The following SLC5A11 variants were observed in gnomAD, a reference collection of about 807,000 sequenced individuals.
SLC5A11 encodes the protein solute carrier family 5 member 11, also known as sodium/myo-inositol cotransporter 2.
A neutral mutation model predicts 69.8 loss-of-function variants in SLC5A11; 48 were observed. The observed-to-expected ratio is 0.69, with a 90% CI of 0.55 to 0.87. SLC5A11 has a LOEUF of 0.87. Ranked by LOEUF, SLC5A11 falls within the 40% of genes least tolerant of loss-of-function variation. The pLI is 0.00. For synonymous variants in SLC5A11, 319 were observed against 342.4 expected (o/e 0.93, Z 0.75); for missense variants, 784 against 866.1 (o/e 0.91, Z 1.19).
At chr16:24,862,403 G>A (rs1425219786) in intron 2 of SLC5A11, among the ~76,000 whole-genome samples, 198 bp from the exon 4 acceptor site, 2 of 152,180 alleles carry the variant, frequency 1.3e-5, no homozygotes, top group African/African-American at 2.4e-5. Context: ...GAGCTTTGTT[G>A]ACCTGAAGAG....
intron 10 of SLC5A11, among the ~76,000 whole-genome samples, chr16:24,898,876 A>G (rs274092): frequency 0.21 from 31,590 of 151,186 alleles, 4,007 homozygotes; most frequent in South Asian, 0.42. Flanking sequence ...GAGTACAGTG[A>G]CATGATCATA....
At chr16:24,864,953 T>A (rs1022443008) in intron 3 of SLC5A11, among the ~76,000 whole-genome samples, 2 of 150,900 alleles carry the variant, frequency 1.3e-5, no homozygotes, top group South Asian at 2.1e-4. Flanking sequence ...GATTATGAAG[T>A]CTGAGGAACA....
chr16:24,877,351 T>C (rs146802677), exon 7 of SLC5A11: 2 of 1,613,458 alleles, frequency 1.2e-6, no homozygotes, highest in African/African-American at 2.7e-5. Flanking sequence ...CACTGCTGTA[T>C]ACACGGTTGC....
At chr16:24,853,602 G>A (rs576211980) in intron 1 of SLC5A11, among the ~76,000 whole-genome samples, 5 of 151,998 alleles carry the variant, frequency 3.3e-5, no homozygotes, top group East Asian at 3.9e-4. Flanking sequence ...AGAGAAGGGC[G>A]GGAGGAAAGA....
chr16:24,872,674 A>G (rs1341688657), intron 5 of SLC5A11, among the ~76,000 whole-genome samples: 2 of 148,580 alleles, frequency 1.3e-5, no homozygotes, highest in Non-Finnish European at 3.0e-5. Flanking sequence ...CACCACACCC[A>G]GCTAATTTTT....
At chr16:24,890,801 G>T in intron 8 of SLC5A11, 68 bp from the exon 10 acceptor site, 1 of 1,466,868 alleles carries the variant, frequency 6.8e-7, no homozygotes, top group South Asian at 1.1e-5. Flanking sequence ...CCAGTCTCCA[G>T]CCATCTCCTC....
intron 10 of SLC5A11, among the ~76,000 whole-genome samples, chr16:24,902,742 T>A (rs2049736330): frequency 6.6e-6 from 1 of 152,126 alleles, no homozygotes; most frequent in South Asian, 2.1e-4. Context: ...TTTCTCCGTG[T>A]TGGTCAGGCT....
chr16:24,883,320 A>G (rs1021926214), intron 7 of SLC5A11, among the ~76,000 whole-genome samples: 2 of 152,154 alleles, frequency 1.3e-5, no homozygotes, highest in African/African-American at 4.8e-5. Flanking sequence ...AGCTATGATC[A>G]CGCCACTACA....
intron 7 of SLC5A11, among the ~76,000 whole-genome samples, chr16:24,878,664 C>T (rs1482606902): frequency 1.3e-5 from 2 of 152,102 alleles, no homozygotes; most frequent in Non-Finnish European, 2.9e-5. Flanking sequence ...GAGTGAGGCA[C>T]AGATGTAAGC....
At chr16:24,895,909 G>A (rs1000331901) in intron 9 of SLC5A11, among the ~76,000 whole-genome samples, 7 of 152,248 alleles carry the variant, frequency 4.6e-5, no homozygotes, top group Middle Eastern at 3.4e-3. Context: ...ATCAAAATGT[G>A]CTGTGAAATC....
chr16:24,887,534 T>C (rs1472174198), intron 8 of SLC5A11, among the ~76,000 whole-genome samples: 1 of 152,084 alleles, frequency 6.6e-6, no homozygotes, highest in Non-Finnish European at 1.5e-5. Context: ...GTAGGAAATA[T>C]GTGTGCATAT....
chr16:24,906,545 T>A (rs2050073784), intron 10 of SLC5A11, 112 bp from the exon 12 acceptor site: 1 of 550,640 alleles, frequency 1.8e-6, no homozygotes, highest in Non-Finnish European at 3.1e-6. Flanking sequence ...TCTTTTTTAT[T>A]TCATTGAGCT....
At chr16:24,872,666 C>T (rs2047379397) in intron 5 of SLC5A11, among the ~76,000 whole-genome samples, 1 of 151,142 alleles carries the variant, frequency 6.6e-6, no homozygotes, top group African/African-American at 2.4e-5. Context: ...ATGCAAGCCA[C>T]CACACCCAGC....
intron 8 of SLC5A11, among the ~76,000 whole-genome samples, chr16:24,888,110 C>T (rs913316966): frequency 9.2e-5 from 14 of 152,068 alleles, no homozygotes; most frequent in Non-Finnish European, 2.1e-4. Flanking sequence ...ATGGAATCAC[C>T]CGCAAAAATT....
At chr16:24,865,492 G>A (rs1243702283) in intron 3 of SLC5A11, among the ~76,000 whole-genome samples, 1 of 152,168 alleles carries the variant, frequency 6.6e-6, no homozygotes, top group Non-Finnish European at 1.5e-5. Context: ...GGGAGGCGGA[G>A]GTTGCAGTGA....
At chr16:24,909,834 A>G (rs2050374041) in intron 14 of SLC5A11, among the ~76,000 whole-genome samples, 1 of 146,982 alleles carries the variant, frequency 6.8e-6, no homozygotes, top group Non-Finnish European at 1.5e-5. Context: ...GTCTTTAAAA[A>G]AAAAAAAAAA....
chr16:24,907,048 G>C, exon 12 of SLC5A11: 2 of 1,614,130 alleles, frequency 1.2e-6, no homozygotes, highest in Non-Finnish European at 1.7e-6. Context: ...GATGATGGCT[G>C]TGATGGTGGC....
intron 14 of SLC5A11, among the ~76,000 whole-genome samples, chr16:24,909,694 T>C (rs1156632409): frequency 7.0e-6 from 1 of 143,300 alleles, no homozygotes; most frequent in Non-Finnish European, 1.5e-5. Context: ...CAGGGCGTGA[T>C]GGCTCATGCC....
chr16:24,868,894 C>T (rs569915923), intron 3 of SLC5A11, among the ~76,000 whole-genome samples: 3 of 142,684 alleles, frequency 2.1e-5, no homozygotes, highest in South Asian at 2.3e-4. Flanking sequence ...TTTTTTGAGA[C>T]GGAGTCTCTG....
Sources: gnomAD v4.1 joint callset for allele counts (sites outside exome capture counted in the v4.1 genomes callset) on GRCh38, gnomAD v4.1.1 for gene constraint, MANE v1.5 for transcripts, NCBI Gene and HGNC (gene_info 2026-07-23, HGNC 2026-07-21) for gene names.